SIM2: variants seen among roughly 807,000 people sequenced by gnomAD.
The protein encoded by SIM2 is SIM bHLH transcription factor 2.
In SIM2, 28 loss-of-function variants were observed where a neutral mutation model predicts 64.8. The ratio of observed to expected loss-of-function variants is 0.43; its 90% CI spans 0.32 to 0.59. The LOEUF (loss-of-function observed/expected upper bound fraction) is 0.59. Among genes scored for constraint, SIM2 ranks in the 20% least tolerant of loss-of-function variants. The pLI, the probability that SIM2 is intolerant of heterozygous loss-of-function variation, is 0.07. For missense variants in SIM2, 847 were observed against 871.4 expected, an observed-to-expected ratio of 0.97 and a Z score of 0.35; for synonymous variants, 408 against 391.1, an observed-to-expected ratio of 1.04 and a Z score of -0.51.
chr21:36,704,682 A>T (rs1386346157), intron 1 of SIM2, among the ~76,000 whole-genome samples: 2 of 152,122 alleles, frequency 1.3e-5, no homozygotes, highest in African/African-American at 4.8e-5. Context: ...GCGGCGTCCG[A>T]ACTCCCCAGG....
intron 3 of SIM2, among the ~76,000 whole-genome samples, chr21:36,714,695 T>A (rs2088721359): frequency 6.6e-6 from 1 of 152,152 alleles, no homozygotes; most frequent in African/African-American, 2.4e-5. Flanking sequence ...ACTGTGCACA[T>A]CCCAAGAGAT....
chr21:36,745,285 C>T lies in SIM2; in HGVS notation c.1576+149C>T. 2 of 1,455,490 alleles carry T rather than the reference C, an allele frequency of 1.4e-6. No individual in the cohort carries two copies. The highest frequency in any genetic ancestry group is 1.8e-6 in the Non-Finnish European group (2 of 1,101,140). 90.2% of individuals were successfully genotyped at this position (1,455,490 alleles called of 1,614,324 possible). On this transcript the variant is annotated intron_variant, in intron 10 of 10. Coordinates refer to ENST00000290399, the MANE Select transcript of SIM2 (RefSeq NM_005069.6). The surrounding 1 kb of genome is among the most constrained non-coding windows in gnomAD (Gnocchi z 4.8). The stretch of plus-strand genomic sequence containing the variant: ...CTGCTTCTAAGTAGGGCTTGCTGTG[C>T]TTTCTTGCTCTCAATGCAGGTGCTC...
At chr21:36,736,772 CTTTCTTT>C (rs1229466838) in intron 7 of SIM2, among the ~76,000 whole-genome samples, 1 of 24,258 alleles carries the variant, frequency 4.1e-5, no homozygotes, top group African/African-American at 9.9e-5. Context: ...TCCCTTTCTT[CTTTCTTT>C]CTTTTCCTTC....
chr21:36,727,500 GT>G (rs1316288327), intron 6 of SIM2, among the ~76,000 whole-genome samples: 1 of 152,218 alleles, frequency 6.6e-6, no homozygotes, highest in Non-Finnish European at 1.5e-5. Context: ...CCTCTTCCAT[GT>G]TCTTATTTGT....
intron 9 of SIM2, among the ~76,000 whole-genome samples, chr21:36,744,448 A>AAG (rs1049539952): frequency 6.2e-5 from 9 of 145,064 alleles, no homozygotes; most frequent in African/African-American, 2.1e-4. Flanking sequence ...CAAAGAAAGA[A>AAG]AGAGAAAGAA....
chr21:36,740,359 T>C (rs752245005), intron 7 of SIM2, among the ~76,000 whole-genome samples: 13 of 152,248 alleles, frequency 8.5e-5, no homozygotes, highest in Non-Finnish European at 1.8e-4. Context: ...TCTATTTTAA[T>C]GTCTGTTGAT....
In SIM2 at chr21:36,748,322, C is replaced by G. The variant is rs1368660979; in HGVS notation, c.*230C>G. On this transcript the variant is annotated 3_prime_UTR_variant, in exon 11 of 11. Transcript: ENST00000290399. ...CCGCCCGCCTCTGTCCTGCGAGGGCCGGTGCGACCCAGTTGCTGGGGGCTT... is the reference window on the plus strand; with the variant it reads ...CCGCCCGCCTCTGTCCTGCGAGGGCGGGTGCGACCCAGTTGCTGGGGGCTT... The G allele has an allele frequency of 4.8e-6, 1 of 209,834 alleles. No individual in the cohort carries two copies. The highest frequency in any genetic ancestry group is 9.5e-6 in the Non-Finnish European group (1 of 105,350). 13.0% of individuals were successfully genotyped at this position (209,834 alleles called of 1,614,324 possible). A position where few individuals can be genotyped will look rare whatever the true frequency, so the allele number is the denominator to read the frequency against.
At chr21:36,720,048 GC>G in intron 4 of SIM2, 119 bp downstream of exon 4, 1 of 700,416 alleles carries the variant, frequency 1.4e-6, no homozygotes, top group Non-Finnish European at 2.5e-6. Flanking sequence ...GGACTGCCCA[GC>G]CCAGGTCTCT....
chr21:36,704,226 T>C (rs960917772), intron 1 of SIM2, among the ~76,000 whole-genome samples: 1 of 152,200 alleles, frequency 6.6e-6, no homozygotes, highest in African/African-American at 2.4e-5. Flanking sequence ...CAGGTTATCT[T>C]AGAAACTGTT....
intron 5 of SIM2, among the ~76,000 whole-genome samples, chr21:36,724,710 A>G (rs986731883): frequency 6.6e-6 from 1 of 152,220 alleles, no homozygotes; most frequent in African/African-American, 2.4e-5. Flanking sequence ...GGATTTTAAG[A>G]TTTGTTTTAG....
intron 3 of SIM2, among the ~76,000 whole-genome samples, chr21:36,717,064 G>A (rs996976623): frequency 6.6e-6 from 1 of 152,066 alleles, no homozygotes; most frequent in African/African-American, 2.4e-5. Context: ...TTTCCCGTTC[G>A]TTTTGTCACA....
intron 7 of SIM2, among the ~76,000 whole-genome samples, 179 bp from the exon 8 acceptor site, chr21:36,741,538 C>T (rs186199590): frequency 8.6e-5 from 13 of 151,878 alleles, no homozygotes; most frequent in South Asian, 2.1e-4. Flanking sequence ...TGTATATGCA[C>T]GCGTGTGTGT....
At chr21:36,719,418 C>T (rs1384980347) in intron 3 of SIM2, among the ~76,000 whole-genome samples, 1 of 152,258 alleles carries the variant, frequency 6.6e-6, no homozygotes, top group Non-Finnish European at 1.5e-5. Context: ...TTCTGGCCAC[C>T]CAGTCCCCTC....
At chr21:36,711,137 AT>A (rs900386949) in intron 2 of SIM2, among the ~76,000 whole-genome samples, 1 of 151,060 alleles carries the variant, frequency 6.6e-6, no homozygotes, top group Non-Finnish European at 1.5e-5. Context: ...TAAGAATATT[AT>A]TTTTTTAGCT....
At chr21:36,706,543 GAGGA>G (rs2088585952) in intron 1 of SIM2, among the ~76,000 whole-genome samples, 1 of 152,250 alleles carries the variant, frequency 6.6e-6, no homozygotes, top group Non-Finnish European at 1.5e-5. Context: ...AGGTCCAGAT[GAGGA>G]CCACGTGCTC....
At chr21:36,730,622 T>A (rs1385832087) in intron 6 of SIM2, among the ~76,000 whole-genome samples, 2 of 152,174 alleles carry the variant, frequency 1.3e-5, no homozygotes, top group East Asian at 3.9e-4. Context: ...CCATGGTGAA[T>A]TGTATATGTA....
rs950593790 is a variant in SIM2 at position 36,747,651 on chromosome 21, G to T, written c.1577-14G>T. ...GCCCCTTGCTGCCCTCTAACGTGTC[G>T]CCTGTCCCCGCAGCGCCCGCCGCCG... On this transcript the variant is annotated splice_polypyrimidine_tract_variant and intron_variant, in intron 10 of 10. Transcript: ENST00000290399. The surrounding 1 kb of genome is among the most constrained non-coding windows in gnomAD (Gnocchi z 4.5). The T allele has an allele frequency of 2.3e-5, 29 of 1,239,500 alleles. No homozygotes were observed. In the African/African-American group the frequency reaches 4.4e-4, roughly 19 times the overall value. 76.8% of individuals were successfully genotyped at this position (1,239,500 alleles called of 1,614,324 possible).
chr21:36,731,050 C>G lies in SIM2; in HGVS notation c.749C>G (p.Thr250Ser), dbSNP rs1285314157. The G allele has an allele frequency of 6.2e-7, 1 of 1,613,652 alleles. No homozygotes were observed. Among genetic ancestry groups the G allele is most frequent in the Admixed American group, 1.7e-5 (1 of 60,020 alleles). ...LKLIFLDSRV[T>S]EVTGYEPQDL... ...GAGCTGCCATGCCCCCACAGGGTGA[C>G]CGAGGTGACGGGGTACGAGCCGCAG... The change falls in exon 7 of 11, where the codon ACC becomes AGC. Residue 250 changes from threonine (T) to serine (S), a missense_variant. By Grantham distance (58) the Thr-to-Ser change is moderately conservative. Coordinates refer to ENST00000290399, the MANE Select transcript of SIM2 (RefSeq NM_005069.6).
chr21:36,726,351 C>T lies in SIM2; in HGVS notation c.743+33C>T, dbSNP rs533505249. The T allele has an allele frequency of 4.4e-6, 7 of 1,580,328 alleles. No homozygotes were observed. In the African/African-American group the frequency reaches 8.0e-5, roughly 18 times the overall value. ...CGGCACCTGCCACAGTGGCTGTGGC[C>T]TTCTGGAAGACACCGGTGGTGGAAA... On this transcript the variant is annotated intron_variant, in intron 6 of 10. Coordinates refer to ENST00000290399, the MANE Select transcript of SIM2 (RefSeq NM_005069.6). This position sits in a 1 kb window ranked among gnomAD's most constrained non-coding sequence, Gnocchi z 4.5.
Sources: allele counts gnomAD v4.1 joint callset (sites outside exome capture counted in the v4.1 genomes callset), GRCh38; gene constraint gnomAD v4.1.1; non-coding constraint Gnocchi (gnomAD v3.1); transcripts MANE v1.5; gene names NCBI Gene and HGNC (gene_info 2026-07-23, HGNC 2026-07-21).